Variants in PARD3B observed in about 807,000 individuals in gnomAD.
PARD3B encodes the protein par-3 family cell polarity regulator beta, also known as partitioning defective 3 homolog B.
In PARD3B, 103 loss-of-function variants were observed where a neutral mutation model predicts 130.2. The observed-to-expected ratio is 0.79, with a 90% CI of 0.67 to 0.93. PARD3B has a LOEUF of 0.93. PARD3B is among the 40% of genes least tolerant of loss of function. PARD3B has a pLI of 0.00. For missense variants in PARD3B, 1,609 were observed against 1,499.2 expected (o/e 1.07, Z -1.21); for synonymous variants, 583 against 553.2 (o/e 1.05, Z -0.76).
At chr2:205,252,194 T>C (rs1326742059) in intron 16 of PARD3B, among the ~76,000 whole-genome samples, 1 of 152,162 alleles carries the variant, frequency 6.6e-6, no homozygotes, top group African/African-American at 2.4e-5. Flanking sequence ...CTAAAATTCA[T>C]GAGTAAATAA....
chr2:205,582,818 C>T (rs1265732903), intron 22 of PARD3B, among the ~76,000 whole-genome samples: 2 of 151,910 alleles, frequency 1.3e-5, no homozygotes, highest in African/African-American at 4.8e-5. Flanking sequence ...GCTCAATTCC[C>T]TTGCCAACTG....
intron 15 of PARD3B, among the ~76,000 whole-genome samples, chr2:205,200,890 C>G (rs1392318542): frequency 2.6e-5 from 4 of 152,026 alleles, no homozygotes; most frequent in Non-Finnish European, 5.9e-5. Context: ...GTAGGATTTA[C>G]GAGAGTGGGG....
At chr2:204,795,184 A>C (rs923810008) in intron 2 of PARD3B, among the ~76,000 whole-genome samples, 2 of 152,220 alleles carry the variant, frequency 1.3e-5, no homozygotes, top group Admixed American at 1.3e-4. Flanking sequence ...CATTCTGATT[A>C]GTCCAGTAAT....
chr2:205,613,797 A>G (rs2055322780), intron 22 of PARD3B, among the ~76,000 whole-genome samples: 1 of 152,216 alleles, frequency 6.6e-6, no homozygotes, highest in African/African-American at 2.4e-5. Context: ...TTCTACATGC[A>G]CCGAGCTGGG....
chr2:204,612,787 TTG>T (rs2125118259), intron 1 of PARD3B, among the ~76,000 whole-genome samples: 1 of 117,132 alleles, frequency 8.5e-6, no homozygotes, highest in South Asian at 2.9e-4. Context: ...CACTTTCAAC[TTG>T]TGTTTCTTCT....
chr2:204,892,182 G>A (rs1202413337), intron 2 of PARD3B, among the ~76,000 whole-genome samples: 1 of 152,158 alleles, frequency 6.6e-6, no homozygotes, highest in African/African-American at 2.4e-5. Flanking sequence ...AATCAAGGTG[G>A]GGAGAGAGCA....
chr2:204,990,359 G>C (rs1419532849), intron 3 of PARD3B, among the ~76,000 whole-genome samples: 3 of 151,796 alleles, frequency 2.0e-5, no homozygotes, highest in African/African-American at 7.3e-5. Flanking sequence ...AGGATTATTA[G>C]CGTATCACCT....
At chr2:205,358,361 G>A (rs2044270664) in intron 18 of PARD3B, among the ~76,000 whole-genome samples, 1 of 152,204 alleles carries the variant, frequency 6.6e-6, no homozygotes, top group Admixed American at 6.5e-5. Context: ...TGGGCCTAGA[G>A]ACACAAACTC....
intron 20 of PARD3B, among the ~76,000 whole-genome samples, chr2:205,474,853 T>C (rs1476979694): frequency 6.6e-6 from 1 of 152,166 alleles, no homozygotes; most frequent in Non-Finnish European, 1.5e-5. Context: ...TGAAAAATAG[T>C]ACTGTATCAT....
chr2:205,363,185 C>T (rs2044462103), intron 18 of PARD3B, among the ~76,000 whole-genome samples: 1 of 152,074 alleles, frequency 6.6e-6, no homozygotes, highest in South Asian at 2.1e-4. Flanking sequence ...ATGCTGTAGC[C>T]CTGATGGGGC....
intron 21 of PARD3B, among the ~76,000 whole-genome samples, chr2:205,527,306 C>G (rs1049597323): frequency 5.3e-5 from 8 of 152,150 alleles, no homozygotes; most frequent in African/African-American, 1.4e-4. Flanking sequence ...TTCTGTAGAC[C>G]AGGCCTTTGA....
At chr2:205,596,634 C>A (rs2106614259) in intron 22 of PARD3B, among the ~76,000 whole-genome samples, 1 of 152,254 alleles carries the variant, frequency 6.6e-6, no homozygotes, top group South Asian at 2.1e-4. Context: ...CATTTATTAT[C>A]TGGTGGAAAC....
intron 1 of PARD3B, among the ~76,000 whole-genome samples, chr2:204,645,634 C>T (rs1574609939): frequency 6.6e-6 from 1 of 152,074 alleles, no homozygotes; most frequent in South Asian, 2.1e-4. Context: ...CTCTTAGACT[C>T]ATCATAGTAG....
intron 2 of PARD3B, among the ~76,000 whole-genome samples, chr2:204,777,742 C>G (rs1288460397): frequency 1.3e-5 from 2 of 152,138 alleles, no homozygotes; most frequent in African/African-American, 2.4e-5. Flanking sequence ...GAACTCCAGC[C>G]TGGTGTCAAA....
intron 2 of PARD3B, among the ~76,000 whole-genome samples, chr2:204,788,928 C>T (rs1296229942): frequency 5.3e-5 from 8 of 152,060 alleles, no homozygotes; most frequent in Non-Finnish European, 1.0e-4. Flanking sequence ...ACTGCTGTAT[C>T]TCATGAATTA....
intron 1 of PARD3B, among the ~76,000 whole-genome samples, chr2:204,652,461 G>T (rs1341088850): frequency 3.3e-5 from 5 of 152,136 alleles, no homozygotes; most frequent in African/African-American, 1.2e-4. Flanking sequence ...CATTACCCCA[G>T]TTCAGACCAC....
intron 14 of PARD3B, among the ~76,000 whole-genome samples, chr2:205,191,988 G>A (rs1460570590): frequency 6.6e-6 from 1 of 151,992 alleles, no homozygotes; most frequent in Non-Finnish European, 1.5e-5. Flanking sequence ...CAAGTAACTG[G>A]GACTACAGGT....
chr2:205,054,562 A>T (rs988934973), intron 4 of PARD3B, among the ~76,000 whole-genome samples: 3 of 149,814 alleles, frequency 2.0e-5, no homozygotes, highest in Non-Finnish European at 4.4e-5. Flanking sequence ...CGTCATTTAC[A>T]TTAGGTATAT....
At chr2:205,165,242 A>G (rs1357573443) in intron 11 of PARD3B, among the ~76,000 whole-genome samples, 1 of 152,174 alleles carries the variant, frequency 6.6e-6, no homozygotes, top group Non-Finnish European at 1.5e-5. Flanking sequence ...GAATGACAGG[A>G]AAGAAAAAAG....
Sources: allele counts gnomAD v4.1 joint callset (sites outside exome capture counted in the v4.1 genomes callset), GRCh38; gene constraint gnomAD v4.1.1; transcripts MANE v1.5; gene names NCBI Gene and HGNC (gene_info 2026-07-23, HGNC 2026-07-21).